The following FAM185A variants were observed in gnomAD, a reference collection of about 807,000 sequenced individuals.
FAM185A encodes family with sequence similarity 185 member A, also known as protein FAM185A.
FAM185A carries 21 observed loss-of-function variants against 45.7 expected under a neutral mutation model. That is an observed-to-expected ratio of 0.46 (90% confidence interval 0.33 to 0.66). The LOEUF (loss-of-function observed/expected upper bound fraction) is 0.66, where lower values mean the gene tolerates loss of function less well. Ranked by LOEUF, FAM185A falls within the 30% of genes least tolerant of loss-of-function variation. FAM185A has a pLI of 0.03. For missense variants in FAM185A, 305 were observed against 485.4 expected, an observed-to-expected ratio of 0.63 and a Z score of 3.49; for synonymous variants, 117 against 194.0, an observed-to-expected ratio of 0.60 and a Z score of 3.30.
chr7:102,779,172 A>G (rs138496832), intron 6 of FAM185A, among the ~76,000 whole-genome samples: 2,287 of 152,298 alleles, frequency 0.015, 66 homozygotes, highest in African/African-American at 0.052. Flanking sequence ...TTTTAAGAGG[A>G]TAGTACTGAT....
chr7:102,823,539 A>G, the FAM185A span, among the ~76,000 whole-genome samples: 1 of 152,206 alleles, frequency 6.6e-6, no homozygotes. Flanking sequence ...TTTTGCCCAG[A>G]TGTCCTACAG....
intron 7 of FAM185A, among the ~76,000 whole-genome samples, chr7:102,804,909 G>A (rs892553403): frequency 1.9e-4 from 29 of 152,218 alleles, no homozygotes; most frequent in African/African-American, 7.0e-4. Flanking sequence ...TATACAAATG[G>A]CCAATGAACA....
chr7:102,831,378 C>G, the FAM185A span, among the ~76,000 whole-genome samples: 1 of 149,014 alleles, frequency 6.7e-6, no homozygotes, highest in Non-Finnish European at 1.5e-5. Flanking sequence ...TGCTGTTAAA[C>G]ATCTACAGTG....
At chr7:102,824,962 A>G in the FAM185A span, among the ~76,000 whole-genome samples, 3 of 152,002 alleles carry the variant, frequency 2.0e-5, no homozygotes, top group Non-Finnish European at 2.9e-5. Context: ...GCATTCTTAT[A>G]CTACTTCACA....
At chr7:102,759,021 T>C (rs1348044385) in intron 3 of FAM185A, among the ~76,000 whole-genome samples, 2 of 152,112 alleles carry the variant, frequency 1.3e-5, no homozygotes, top group Non-Finnish European at 2.9e-5. Context: ...AACCTAAACA[T>C]TTAAAAATAC....
chr7:102,821,430 C>T, the FAM185A span, among the ~76,000 whole-genome samples: 1 of 152,192 alleles, frequency 6.6e-6, no homozygotes, highest in African/African-American at 2.4e-5. Context: ...CCTCAAGAAA[C>T]CAGGGCTCAT....
chr7:102,840,827 A>G, the FAM185A span, among the ~76,000 whole-genome samples: 1 of 152,196 alleles, frequency 6.6e-6, no homozygotes, highest in Non-Finnish European at 1.5e-5. Flanking sequence ...GAAAGAAAAT[A>G]ACTGTCTACC....
At chr7:102,839,032 T>G in the FAM185A span, among the ~76,000 whole-genome samples, 1 of 152,250 alleles carries the variant, frequency 6.6e-6, no homozygotes, top group East Asian at 1.9e-4. Context: ...ACGGCATGTC[T>G]TGGTATAAAA....
chr7:102,765,737 T>C (rs1341380608), intron 4 of FAM185A, among the ~76,000 whole-genome samples: 1 of 152,048 alleles, frequency 6.6e-6, no homozygotes, highest in African/African-American at 2.4e-5. Flanking sequence ...CCTATTTGTA[T>C]AGTTGGTTGA....
intron 4 of FAM185A, among the ~76,000 whole-genome samples, chr7:102,767,242 A>T (rs1794467790): frequency 6.7e-6 from 1 of 149,632 alleles, no homozygotes; most frequent in African/African-American, 2.5e-5. Context: ...AGCTCCTTAG[A>T]GACATTCAGA....
chr7:102,798,555 A>C (rs1287373130), intron 7 of FAM185A, among the ~76,000 whole-genome samples: 1 of 152,180 alleles, frequency 6.6e-6, no homozygotes, highest in African/African-American at 2.4e-5. Context: ...ATAAGTAAGA[A>C]ATATATTATT....
At chr7:102,814,483 T>C in the FAM185A span, 1 of 152,180 alleles carries the variant, frequency 6.6e-6, no homozygotes, top group East Asian at 1.9e-4. Flanking sequence ...AACATAGAGA[T>C]AACAGTTTAA....
At chr7:102,813,210 G>GA (rs1797554886), downstream of FAM185A, 2 of 787,458 alleles carry the variant, frequency 2.5e-6, no homozygotes, top group Non-Finnish European at 4.0e-6. Flanking sequence ...TTTGTAGTTG[G>GA]AATAAGAATC....
chr7:102,786,273 C>G (rs867885323), intron 6 of FAM185A, among the ~76,000 whole-genome samples: 1 of 152,190 alleles, frequency 6.6e-6, no homozygotes, highest in Non-Finnish European at 1.5e-5. Context: ...GTCAGTGTAG[C>G]GATTCCTCAG....
the FAM185A span, among the ~76,000 whole-genome samples, chr7:102,826,030 T>C: frequency 6.6e-6 from 1 of 152,220 alleles, no homozygotes; most frequent in Non-Finnish European, 1.5e-5. Flanking sequence ...TTCATCTCCT[T>C]TGCCATTAAT....
the FAM185A span, among the ~76,000 whole-genome samples, chr7:102,818,827 C>T: frequency 2.0e-5 from 3 of 152,094 alleles, no homozygotes; most frequent in Admixed American, 6.6e-5. Context: ...AGTACATGTA[C>T]AAGATGTACA....
the FAM185A span, among the ~76,000 whole-genome samples, chr7:102,838,114 C>T: frequency 1.3e-5 from 2 of 152,188 alleles, no homozygotes; most frequent in African/African-American, 4.8e-5. Context: ...AGGCAGCATA[C>T]AGGGTTGGTT....
chr7:102,834,065 G>T, the FAM185A span, among the ~76,000 whole-genome samples: 1 of 111,302 alleles, frequency 9.0e-6, no homozygotes, highest in Non-Finnish European at 1.7e-5. Context: ...AGGAAGGAAG[G>T]AAGGAAGGAA....
intron 3 of FAM185A, 34 bp downstream of exon 3, chr7:102,757,980 T>A (rs781602266): frequency 8.4e-6 from 13 of 1,543,716 alleles, no homozygotes; most frequent in South Asian, 1.2e-5. Flanking sequence ...TTTTTAGTAA[T>A]TGCAACTTTG....
Sources: allele counts gnomAD v4.1 joint callset (sites outside exome capture counted in the v4.1 genomes callset), GRCh38; gene constraint gnomAD v4.1.1; transcripts MANE v1.5; gene names NCBI Gene and HGNC (gene_info 2026-07-23, HGNC 2026-07-21).